The following AGAP1 variants were observed in gnomAD, a reference collection of about 807,000 sequenced individuals.
The protein encoded by AGAP1 is arf-GAP with GTPase, ANK repeat and PH domain-containing protein 1.
A neutral mutation model predicts 105.3 loss-of-function variants in AGAP1; 29 were observed. The observed-to-expected ratio is 0.28, with a 90% CI of 0.21 to 0.38. The LOEUF (loss-of-function observed/expected upper bound fraction) is 0.38, where lower values mean the gene tolerates loss of function less well. Among genes scored for constraint, AGAP1 ranks in the 10% least tolerant of loss-of-function variants. AGAP1 has a pLI of 1.00. For synonymous variants in AGAP1, 509 were observed against 485.9 expected (o/e 1.05, Z -0.63); for missense variants, 998 against 1,165.1 (o/e 0.86, Z 2.09).
chr2:236,127,596 C>T lies in AGAP1; in HGVS notation c.*3474C>T, dbSNP rs1480685344. 6.6e-6 allele frequency: 1 copy of T among 152,248 alleles called. No homozygotes were observed. Among genetic ancestry groups the T allele is most frequent in the Non-Finnish European group, 1.5e-5 (1 of 68,066 alleles). The allele number at this position is 152,248 out of a possible 1,614,324, so 9.4% of individuals were successfully genotyped here. On this transcript the variant is annotated 3_prime_UTR_variant, in exon 18 of 18. Transcript: ENST00000304032. This position sits in a 1 kb window ranked among gnomAD's most constrained non-coding sequence, Gnocchi z 6.6. ...CAAGGGCCTTGCATTGAAGCTCCCT[C>T]TTCTGAGATTTCACCCAGCCTGATG...
chr2:235,851,441 A>G (rs12469556), intron 9 of AGAP1, among the ~76,000 whole-genome samples: 69,540 of 152,178 alleles, frequency 0.46, 18,832 homozygotes, highest in East Asian at 0.79. Context: ...TCACCCGTCC[A>G]CCAACGCACC....
chr2:235,670,122 G>A (rs1361584217), intron 1 of AGAP1: 2 of 563,818 alleles, frequency 3.5e-6, no homozygotes, highest in East Asian at 3.8e-5. Context: ...GACGGCAGTG[G>A]CGAGCCCGCG....
intron 12 of AGAP1, among the ~76,000 whole-genome samples, chr2:235,941,850 G>GA (rs986599075): frequency 3.4e-5 from 1 of 29,318 alleles, no homozygotes; most frequent in African/African-American, 2.3e-4. Flanking sequence ...CTTTGTTGTT[G>GA]GGGGGGTAAG....
intron 4 of AGAP1, among the ~76,000 whole-genome samples, chr2:235,743,070 G>A (rs1428092963): frequency 6.6e-6 from 1 of 152,222 alleles, no homozygotes; most frequent in Non-Finnish European, 1.5e-5. Flanking sequence ...GGGAGGCTGA[G>A]GCAGCAGAAT....
At chr2:235,826,202 C>T (rs1333080357) in intron 9 of AGAP1, among the ~76,000 whole-genome samples, 1 of 152,166 alleles carries the variant, frequency 6.6e-6, no homozygotes, top group African/African-American at 2.4e-5. Context: ...TGCTCTTTAT[C>T]CCTCATAGAT....
chr2:235,606,116 A>T (rs181956382), intron 1 of AGAP1, among the ~76,000 whole-genome samples: 29 of 152,354 alleles, frequency 1.9e-4, no homozygotes, highest in Admixed American at 7.2e-4. Context: ...ATGGTTCCCA[A>T]GATCGGCCAT....
intron 1 of AGAP1, among the ~76,000 whole-genome samples, chr2:235,651,871 C>T (rs908048115): frequency 2.6e-5 from 4 of 152,018 alleles, no homozygotes; most frequent in East Asian, 1.9e-4. Context: ...AAGCGGTCCA[C>T]GGGGAGGGAC....
intron 9 of AGAP1, among the ~76,000 whole-genome samples, chr2:235,871,937 C>T (rs560819390): frequency 1.3e-5 from 2 of 152,236 alleles, no homozygotes; most frequent in South Asian, 2.1e-4. Context: ...CAATGGGAGC[C>T]GTCTTTGGAG....
chr2:236,100,182 C>G (rs1255411361), intron 16 of AGAP1, among the ~76,000 whole-genome samples: 1 of 152,168 alleles, frequency 6.6e-6, no homozygotes, highest in African/African-American at 2.4e-5. Context: ...CCCCTCCGTG[C>G]CCCTCTTCTA....
rs2057104555 is a variant in AGAP1 at position 236,027,846 on chromosome 2, C to A, written c.1646-8715C>A. 6.6e-6 allele frequency among the ~76,000 whole-genome samples: 1 copy of A among 152,082 alleles called. No homozygotes were observed. The highest frequency in any genetic ancestry group is 2.4e-5 in the African/African-American group (1 of 41,416). The stretch of plus-strand genomic sequence containing the variant: ...TTAGACCTGCCCTGTGATCACAGGG[C>A]CTTTGTGCATGCTACATACACGTCA... On this transcript the variant is annotated intron_variant, in intron 13 of 17. Transcript: ENST00000304032. The surrounding 1 kb of genome is among the most constrained non-coding windows in gnomAD (Gnocchi z 4.4).
rs199662416 is a variant in AGAP1, at chr2:235,801,125, A to AG, written c.957+1604dup. ...TCCCCAGCCTCCCCTTGCTTTTGCT[A>AG]GTTGCCTTGCGCCACATCAGCTCCC... On this transcript the variant is annotated intron_variant, in intron 8 of 17. Transcript: ENST00000304032. The surrounding 1 kb of genome is among the most constrained non-coding windows in gnomAD (Gnocchi z 6.0). Among the ~76,000 whole-genome samples the AG allele has an allele frequency of 5.9e-3, 903 of 152,198 alleles. 5 individuals are homozygous for AG. The highest frequency in any genetic ancestry group is 0.02 in the African/African-American group (833 of 41,530).
At chr2:235,791,630 C>A (rs1210579162) in intron 6 of AGAP1, among the ~76,000 whole-genome samples, 1 of 152,144 alleles carries the variant, frequency 6.6e-6, no homozygotes, top group Non-Finnish European at 1.5e-5. Flanking sequence ...TCACTGCAAC[C>A]TCTGCCTCCT....
At chr2:235,804,162 G>A (rs958261106) in intron 8 of AGAP1, among the ~76,000 whole-genome samples, 2 of 152,176 alleles carry the variant, frequency 1.3e-5, no homozygotes, top group Admixed American at 6.5e-5. Flanking sequence ...TCTGCCTAGG[G>A]ATCAGCATTA....
At chr2:235,710,766 A>G (rs915254540) in intron 2 of AGAP1, among the ~76,000 whole-genome samples, 3 of 152,140 alleles carry the variant, frequency 2.0e-5, no homozygotes, top group Non-Finnish European at 4.4e-5. Context: ...TCTCAGAACA[A>G]TCCCGCAGTT....
At position 235,655,599 on chromosome 2, in the gene AGAP1, G is replaced by C. The variant is rs1947746123; in HGVS notation, c.164-53580G>C. Among the ~76,000 whole-genome samples the C allele has an allele frequency of 6.6e-6, 1 of 152,172 alleles. No individual in the cohort carries two copies. Among genetic ancestry groups the C allele is most frequent in the African/African-American group, 2.4e-5 (1 of 41,442 alleles). ...AGTACCTGTATCTGATGAGTTAGTA[G>C]CTGTGAAAACGTTTCTCTAGCAAGG... On this transcript the variant is annotated intron_variant, in intron 1 of 17. Transcript: ENST00000304032. This position sits in a 1 kb window ranked among gnomAD's most constrained non-coding sequence, Gnocchi z 4.3.
chr2:235,815,504 A>G (rs73998944), intron 9 of AGAP1, among the ~76,000 whole-genome samples: 3,843 of 152,106 alleles, frequency 0.025, 176 homozygotes, highest in African/African-American at 0.088. Flanking sequence ...TTTTGGGGGG[A>G]CGTATTTCAT....
intron 1 of AGAP1, among the ~76,000 whole-genome samples, chr2:235,514,479 G>A (rs1271252211): frequency 6.6e-6 from 1 of 152,240 alleles, no homozygotes; most frequent in African/African-American, 2.4e-5. Flanking sequence ...TGGCACCTTC[G>A]CTGTGGAGGA....
At chr2:235,969,452 G>A (rs1287951512) in intron 13 of AGAP1, among the ~76,000 whole-genome samples, 1 of 152,210 alleles carries the variant, frequency 6.6e-6, no homozygotes, top group Non-Finnish European at 1.5e-5. Context: ...CGACAATGGT[G>A]AGAGAGTGTG....
chr2:235,952,772 C>T (rs182313734), intron 12 of AGAP1, among the ~76,000 whole-genome samples: 3 of 152,192 alleles, frequency 2.0e-5, no homozygotes, highest in Admixed American at 2.0e-4. Context: ...TGGTGTCCCT[C>T]GGTGCTGAGC....
Sources: gnomAD v4.1 joint callset for allele counts (sites outside exome capture counted in the v4.1 genomes callset) on GRCh38, gnomAD v4.1.1 for gene constraint, Gnocchi (gnomAD v3.1) non-coding constraint, MANE v1.5 for transcripts, NCBI Gene and HGNC (gene_info 2026-07-23, HGNC 2026-07-21) for gene names.